The following KMT2B variants were observed in gnomAD, a reference collection of about 807,000 sequenced individuals.
KMT2B encodes the protein histone-lysine N-methyltransferase 2B.
A neutral mutation model predicts 255.3 loss-of-function variants in KMT2B; 22 were observed. That is an observed-to-expected ratio of 0.09 (90% CI 0.06 to 0.12). The LOEUF (loss-of-function observed/expected upper bound fraction) is 0.12. Among genes scored for constraint, KMT2B ranks in the 10% least tolerant of loss-of-function variants. KMT2B has a pLI of 1.00. For missense variants in KMT2B, 3,149 were observed against 3,737.0 expected (o/e 0.84, Z 4.10); for synonymous variants, 1,730 against 1,498.1 (o/e 1.15, Z -3.57).
intron 1 of KMT2B, among the ~76,000 whole-genome samples, chr19:35,719,054 C>G (rs1969077190): frequency 6.6e-6 from 1 of 152,196 alleles, no homozygotes; most frequent in African/African-American, 2.4e-5. Flanking sequence ...CCCTCCCCGC[C>G]CCTTCACTTG....
rs957646690 is a variant in KMT2B at position 35,728,170 on chromosome 19, A to G, written c.4570A>G (p.Asn1524Asp). 6.3e-7 allele frequency: 1 copy of G among 1,587,702 alleles called. No homozygotes were observed. The highest frequency in any genetic ancestry group is 8.6e-7 in the Non-Finnish European group (1 of 1,167,804). Reference sequence around the variant, plus strand: ...CTGGCGACGGAGTACCCGGCTGCCAAAGTGAGCAAGGCTGGGTAGCAGAAG... The same window carrying G: ...CTGGCGACGGAGTACCCGGCTGCCAGAGTGAGCAAGGCTGGGTAGCAGAAG... Reference protein sequence around the residue: ...KYWRRSTRLPNGVLPNAVLPP... With the variant: ...KYWRRSTRLPDGVLPNAVLPP... Residue 1524 changes from asparagine to aspartate, a missense_variant and splice_region_variant, in exon 19 of 37, where the codon AAC becomes GAC. Transcript: ENST00000420124.
chr19:35,729,661 C>T (rs768215187), intron 22 of KMT2B, among the ~76,000 whole-genome samples: 2 of 152,080 alleles, frequency 1.3e-5, no homozygotes, highest in Non-Finnish European at 2.9e-5. Context: ...CACTCTCGGG[C>T]ATTGGGGTGG....
At chr19:35,731,574 T>C (rs1431375634) in intron 26 of KMT2B, among the ~76,000 whole-genome samples, 1 of 152,108 alleles carries the variant, frequency 6.6e-6, no homozygotes, top group African/African-American at 2.4e-5. Flanking sequence ...GAGCGTCTGA[T>C]GTGGCTTGGA....
In KMT2B at chr19:35,721,496, G is replaced by T. The variant is rs756852349; in HGVS notation, c.2149G>T (p.Ala717Ser). 1 of 1,612,358 alleles carries T rather than the reference G, an allele frequency of 6.2e-7. No individual in the cohort carries two copies. Among genetic ancestry groups the T allele is most frequent in the South Asian group, 1.1e-5 (1 of 91,074 alleles). ...CCCTGTGGTCACCACTCCTGTTAAGGCCGAGGTGTCCCCTCACGGGGCTCC... is the reference window on the plus strand; with the variant it reads ...CCCTGTGGTCACCACTCCTGTTAAGTCCGAGGTGTCCCCTCACGGGGCTCC... Reference protein sequence around the residue: ...FAPVVTTPVKAEVSPHGAPAL... With the variant: ...FAPVVTTPVKSEVSPHGAPAL... Residue 717 changes from alanine (A) to serine (S), a missense_variant, in exon 3 of 37, where the codon GCC (alanine) becomes TCC (serine). By Grantham distance (99) the Ala-to-Ser change is moderately conservative. Transcript: ENST00000420124.
In KMT2B at chr19:35,723,757, G is replaced by A. The variant is rs758993422; in HGVS notation, c.3084G>A (p.Leu1028=). Residue 1028 remains leucine (L), a synonymous_variant, in exon 8 of 37, where the codon TTG becomes TTA. Coordinates refer to ENST00000420124, the MANE Select transcript of KMT2B (RefSeq NM_014727.3). The surrounding 1 kb of genome is among the most constrained non-coding windows in gnomAD (Gnocchi z 7.5). ...KKGRTIVKTL[L]PWDSDESPEA... The stretch of plus-strand genomic sequence containing the variant: ...GCCGGACGATAGTGAAGACGCTGTT[G>A]CCCTGGGATTCCGATGAATCTCCTG... The A allele has an allele frequency of 2.6e-6, 4 of 1,547,136 alleles. No individual in the cohort carries two copies. Among genetic ancestry groups the A allele is most frequent in the Admixed American group, 2.1e-5 (1 of 48,132 alleles).
At position 35,723,005 on chromosome 19, in the gene KMT2B, G is replaced by T; in HGVS notation, c.2733G>T (p.Ser911=). Residue 911 remains serine (S), a synonymous_variant, in exon 6 of 37, where the codon TCG becomes TCT. Coordinates refer to ENST00000420124, the MANE Select transcript of KMT2B (RefSeq NM_014727.3). This position sits in a 1 kb window ranked among gnomAD's most constrained non-coding sequence, Gnocchi z 7.5. ...RQDLATEDTS[S]ASETESVPSR... is the part of the protein sequence containing the mutation. ...TGCCTGCTGCAATAGATACATCATC[G>T]GCGTCCGAGACTGAGAGTGTCCCGT... 1 of 1,597,486 alleles carries T rather than the reference G, an allele frequency of 6.3e-7. No homozygotes were observed. The highest frequency in any genetic ancestry group is 8.5e-7 in the Non-Finnish European group (1 of 1,169,830).
In KMT2B at chr19:35,738,584, C is replaced by T; in HGVS notation, c.*27C>T. ...GCCGTGGCTGCCCACCACGACCCCT[C>T]ACACCTCCTGCTGCCGTCGCTGCCA... On this transcript the variant is annotated 3_prime_UTR_variant, in exon 37 of 37. Transcript: ENST00000420124. This position sits in a 1 kb window ranked among gnomAD's most constrained non-coding sequence, Gnocchi z 8.7. 1 of 1,602,424 alleles carries T rather than the reference C, an allele frequency of 6.2e-7. No homozygotes were observed. The highest frequency in any genetic ancestry group is 1.3e-5 in the African/African-American group (1 of 74,848).
rs771561660 is a variant in KMT2B at position 35,722,605 on chromosome 19, A to G, written c.2609A>G (p.His870Arg). 3 of 1,611,648 alleles carry G rather than the reference A, an allele frequency of 1.9e-6. No homozygotes were observed. The highest frequency in any genetic ancestry group is 2.5e-6 in the Non-Finnish European group (3 of 1,179,150). Residue 870 changes from histidine to arginine, a missense_variant, in exon 5 of 37, where the codon CAT becomes CGT. Physicochemically the swap from His to Arg is conservative, Grantham distance 29. Coordinates refer to ENST00000420124, the MANE Select transcript of KMT2B (RefSeq NM_014727.3). ...CCTGTGCAAGGTCCCCGCATCAAACATGTCTGCCGTCATGCTGCTGTGGCC... is the reference window on the plus strand; with the variant it reads ...CCTGTGCAAGGTCCCCGCATCAAACGTGTCTGCCGTCATGCTGCTGTGGCC... ...ESPVQGPRIK[H>R]VCRHAAVALG...
intron 19 of KMT2B, 139 bp downstream of exon 19, chr19:35,728,310 G>T: frequency 1.4e-6 from 1 of 694,714 alleles, no homozygotes; most frequent in East Asian, 2.7e-5. Context: ...TGGAACCCAG[G>T]TGAGATTCCC....
chr19:35,737,833 T>G lies in KMT2B; in HGVS notation c.7659-26T>G. ...AGAGAGGTCATTCTGAGCACCAGCCTGGGTGACACTGCTGTCCCTCACCAG... is the reference window on the plus strand; with the variant it reads ...AGAGAGGTCATTCTGAGCACCAGCCGGGGTGACACTGCTGTCCCTCACCAG... On this transcript the variant is annotated intron_variant, in intron 34 of 36. Coordinates refer to ENST00000420124, the MANE Select transcript of KMT2B (RefSeq NM_014727.3). The surrounding 1 kb of genome is among the most constrained non-coding windows in gnomAD (Gnocchi z 5.3). 6.4e-7 allele frequency: 1 copy of G among 1,556,596 alleles called. No homozygotes were observed. Among genetic ancestry groups the G allele is most frequent in the Non-Finnish European group, 8.7e-7 (1 of 1,149,258 alleles).
rs1000544799 is a variant in KMT2B at position 35,728,150 on chromosome 19, G to A, written c.4550G>A (p.Arg1517Gln). 4.4e-6 allele frequency: 7 copies of A among 1,596,848 alleles called. No homozygotes were observed. Among genetic ancestry groups the A allele is most frequent in the African/African-American group, 2.7e-5 (2 of 74,484 alleles). ...GACGCCCACGACCCCAAGTACTGGC[G>A]ACGGAGTACCCGGCTGCCAAAGTGA... ...WFDAHDPKYWRRSTRLPNGVL... is the reference protein window; with the variant it reads ...WFDAHDPKYWQRSTRLPNGVL... Residue 1517 changes from arginine (R) to glutamine (Q), a missense_variant, in exon 19 of 37, where the codon CGA (arginine) becomes CAA (glutamine). Arg to Gln is a conservative substitution (Grantham distance 43). This residue lies in a region of KMT2B where 377 missense variants were observed against 471.0 expected (regional missense o/e 0.80). Transcript: ENST00000420124.
rs1969361157 is a variant in KMT2B at position 35,724,657 on chromosome 19, G to A, written c.3355G>A (p.Glu1119Lys). ...CCTAGAGCTGCCACTGCCAGAACCTGAGGAGCAGAGCCGGCCCCGCAAACC... is the reference window on the plus strand; with the variant it reads ...CCTAGAGCTGCCACTGCCAGAACCTAAGGAGCAGAGCCGGCCCCGCAAACC... ...RENELPLPEP[E>K]EQSRPRKPTL... Residue 1119 changes from glutamate to lysine, a missense_variant, in exon 9 of 37, where the codon GAG becomes AAG. This residue lies in a region of KMT2B where 136 missense variants were observed against 137.3 expected (regional missense o/e 0.99). Coordinates refer to ENST00000420124, the MANE Select transcript of KMT2B (RefSeq NM_014727.3). The A allele has an allele frequency of 2.5e-6, 4 of 1,600,230 alleles. No homozygotes were observed. The highest frequency in any genetic ancestry group is 3.4e-6 in the Non-Finnish European group (4 of 1,173,846).
In KMT2B at chr19:35,728,788, A is replaced by G. The variant is rs1032104348; in HGVS notation, c.4586A>G (p.Asn1529Ser). The change falls in exon 20 of 37, where the codon AAT becomes AGT. Residue 1529 changes from asparagine (N) to serine (S), a missense_variant. Coordinates refer to ENST00000420124, the MANE Select transcript of KMT2B (RefSeq NM_014727.3). ...CCTGTCCACAGCGGAGTCCTTCCCA[A>G]TGCGGTGTTGCCCCCATCCCTGGAT... Reference protein sequence around the residue: ...STRLPNGVLPNAVLPPSLDHV... With the variant: ...STRLPNGVLPSAVLPPSLDHV... The G allele has an allele frequency of 1.4e-5, 22 of 1,613,728 alleles. No homozygotes were observed. Among genetic ancestry groups the G allele is most frequent in the Non-Finnish European group, 1.7e-5 (20 of 1,179,796 alleles).
At chr19:35,730,493 T>C in intron 24 of KMT2B, 31 bp downstream of exon 24, 18 of 1,613,946 alleles carry the variant, frequency 1.1e-5, no homozygotes, top group Non-Finnish European at 1.5e-5. Context: ...CCTGTCCTCC[T>C]ACCCTGTCCT....
chr19:35,729,124 C>T (rs1568377621), intron 21 of KMT2B, 35 bp from the exon 22 acceptor site: 2 of 1,613,952 alleles, frequency 1.2e-6, no homozygotes, highest in Admixed American at 1.7e-5. Context: ...TGTTCCCTGG[C>T]CTCCCCACAT....
chr19:35,719,889 G>A lies in KMT2B; in HGVS notation c.542G>A (p.Arg181Gln), dbSNP rs368286257. The A allele has an allele frequency of 5.0e-6, 8 of 1,613,340 alleles. No homozygotes were observed. The highest frequency in any genetic ancestry group is 1.1e-5 in the South Asian group (1 of 91,072). Residue 181 changes from arginine (R) to glutamine (Q), a missense_variant, in exon 3 of 37, where the codon CGG becomes CAG. By Grantham distance (43) the Arg-to-Gln change is conservative. Coordinates refer to ENST00000420124, the MANE Select transcript of KMT2B (RefSeq NM_014727.3). The stretch of plus-strand genomic sequence containing the variant: ...CCCCCAAAGACCCCTGCCCGGAAAC[G>A]GGGTGAGGAAGGCACAGAACGGATG... ...PTPPKTPARK[R>Q]GEEGTERMVQ... is the part of the protein sequence containing the mutation.
chr19:35,737,853 C>A lies in KMT2B; in HGVS notation c.7659-6C>A. The A allele has an allele frequency of 6.4e-7, 1 of 1,565,790 alleles. No homozygotes were observed. Among genetic ancestry groups the A allele is most frequent in the South Asian group, 1.2e-5 (1 of 85,514 alleles). On this transcript the variant is annotated splice_polypyrimidine_tract_variant and splice_region_variant and intron_variant, in intron 34 of 36. Coordinates refer to ENST00000420124, the MANE Select transcript of KMT2B (RefSeq NM_014727.3). The surrounding 1 kb of genome is among the most constrained non-coding windows in gnomAD (Gnocchi z 5.3). ...CAGCCTGGGTGACACTGCTGTCCCT[C>A]ACCAGACGTGCCACCAGCCTGGAGC...
chr19:35,729,164 G>C lies in KMT2B; in HGVS notation c.4785G>C (p.Ala1595=), dbSNP rs190936695. Residue 1595 remains alanine (A), a synonymous_variant, in exon 22 of 37, where the codon GCG becomes GCC. Transcript: ENST00000420124. ...LKYGDADSKE[A]GRLLYIGQNE... Reference sequence around the variant, plus strand: ...CCACTCCTCTTCTGCCCCAGGAGGCGGGGCGGCTCTTGTACATCGGGCAGA... The same window carrying C: ...CCACTCCTCTTCTGCCCCAGGAGGCCGGGCGGCTCTTGTACATCGGGCAGA... 5.6e-6 allele frequency: 9 copies of C among 1,613,718 alleles called. No individual in the cohort carries two copies. In the Admixed American group the frequency reaches 1.0e-4, roughly 18 times the overall value.
chr19:35,729,374 T>C, intron 22 of KMT2B, 78 bp downstream of exon 22: 5 of 1,506,052 alleles, frequency 3.3e-6, no homozygotes, highest in Non-Finnish European at 4.5e-6. Context: ...AGCTCTTACT[T>C]CACATTCCCT....
Sources: allele counts gnomAD v4.1 joint callset (sites outside exome capture counted in the v4.1 genomes callset), GRCh38; gene constraint gnomAD v4.1.1; regional missense constraint gnomAD v4.1.1; non-coding constraint Gnocchi (gnomAD v3.1); transcripts MANE v1.5; gene names NCBI Gene and HGNC (gene_info 2026-07-23, HGNC 2026-07-21).